Variants in DUSP9 observed in about 807,000 individuals in gnomAD.
DUSP9 encodes dual specificity phosphatase 9.
A neutral mutation model predicts 13.2 loss-of-function variants in DUSP9; 4 were observed. That is an observed-to-expected ratio of 0.30 (90% CI 0.15 to 0.69). The LOEUF (loss-of-function observed/expected upper bound fraction) is 0.69, where lower values mean the gene tolerates loss of function less well. Among genes scored for constraint, DUSP9 ranks in the 30% least tolerant of loss-of-function variants. The pLI is 0.73. For synonymous variants in DUSP9, 166 were observed against 172.3 expected (o/e 0.96, Z 0.29); for missense variants, 263 against 355.0 (o/e 0.74, Z 2.08).
chrX:153,646,852 G>T (rs1557035581), upstream of DUSP9, among the ~76,000 whole-genome samples: 1 of 112,823 alleles, frequency 8.9e-6, no homozygotes, highest in African/African-American at 3.2e-5. Flanking sequence ...GGGCCACTGA[G>T]ATCCAGGCAG....
At chrX:153,649,797 C>G in intron 3 of DUSP9, 110 bp downstream of exon 3, 1 of 917,587 alleles carries the variant, frequency 1.1e-6, no homozygotes, top group Non-Finnish European at 1.5e-6. Flanking sequence ...AGCCAAAAGC[C>G]TAGGTGACAG....
chrX:153,648,190 C>G lies in DUSP9; in HGVS notation c.237C>G (p.Leu79=). The change falls in exon 2 of 4, where the codon CTC becomes CTG. Residue 79 remains leucine, a synonymous_variant. Transcript: ENST00000342782. ...PLQPPPPAPV[L]LYDQGGGRRR... is the part of the protein sequence containing the mutation. ...AGCCGCCCCCGCCTGCCCCCGTGCTCCTGTACGACCAGGGCGGGGGCCGGC... is the reference window on the plus strand; with the variant it reads ...AGCCGCCCCCGCCTGCCCCCGTGCTGCTGTACGACCAGGGCGGGGGCCGGC... 1 of 1,048,527 alleles carries G rather than the reference C, an allele frequency of 9.5e-7. No homozygotes were observed. The highest frequency in any genetic ancestry group is 1.2e-6 in the Non-Finnish European group (1 of 825,493). 86.4% of individuals were successfully genotyped at this position (1,048,527 alleles called of 1,213,427 possible).
In DUSP9 at chrX:153,647,833, C is replaced by T. The variant is rs971016758; in HGVS notation, c.-35-86C>T. ...TCCTCATGGTGGGGGACCCTGGGCTCCCGCCTTCAGGACGCGGGGCCGGCT... is the reference window on the plus strand; with the variant it reads ...TCCTCATGGTGGGGGACCCTGGGCTTCCGCCTTCAGGACGCGGGGCCGGCT... On this transcript the variant is annotated intron_variant, in intron 1 of 3. Transcript: ENST00000342782. 3.6e-5 allele frequency: 30 copies of T among 839,040 alleles called. No homozygotes were observed. The Middle Eastern group carries it at 1.5e-3, about 42-fold the overall frequency. The allele number at this position is 839,040 out of a possible 1,213,427, so 69.1% of individuals were successfully genotyped here. A position where few individuals can be genotyped will look rare whatever the true frequency, so the allele number is the denominator to read the frequency against.
At position 153,650,407 on chromosome X, in the gene DUSP9, G is replaced by A; in HGVS notation, c.*102G>A. The A allele has an allele frequency of 1.5e-6, 1 of 645,388 alleles. No individual in the cohort carries two copies. Among genetic ancestry groups the A allele is most frequent in the Non-Finnish European group, 2.3e-6 (1 of 431,322 alleles). 53.2% of individuals were successfully genotyped at this position (645,388 alleles called of 1,213,427 possible). A position where few individuals can be genotyped will look rare whatever the true frequency, so the allele number is the denominator to read the frequency against. ...GGGAGGGCAGGAGGGCTCGGCCTGA[G>A]CAGGGTGCTGGGGGGAGAGCGCAAT... On this transcript the variant is annotated 3_prime_UTR_variant, in exon 4 of 4. Transcript: ENST00000342782.
rs1411039497 is a variant in DUSP9, at chrX:153,649,587, C to T, written c.729C>T (p.Phe243=). The change falls in exon 3 of 4, where the codon TTC becomes TTT. Residue 243 remains phenylalanine (F), a synonymous_variant. Coordinates refer to ENST00000342782, the MANE Select transcript of DUSP9 (RefSeq NM_001318503.2). Reference sequence around the variant, plus strand: ...ATGTCACCCCCAACCTCCCAAACTTCTTCGAGAAGAATGGTGACTTTCACT... The same window carrying T: ...ATGTCACCCCCAACCTCCCAAACTTTTTCGAGAAGAATGGTGACTTTCACT... ...ILNVTPNLPN[F]FEKNGDFHYK... 1.7e-6 allele frequency: 2 copies of T among 1,212,105 alleles called. No individual in the cohort carries two copies. Among genetic ancestry groups the T allele is most frequent in the Non-Finnish European group, 2.2e-6 (2 of 895,587 alleles).
chrX:153,648,083 G>T lies in DUSP9; in HGVS notation c.130G>T (p.Val44Leu). 9.7e-7 allele frequency: 1 copy of T among 1,034,570 alleles called. No individual in the cohort carries two copies. The allele number at this position is 1,034,570 out of a possible 1,213,427, so 85.3% of individuals were successfully genotyped here. A position where few individuals can be genotyped will look rare whatever the true frequency, so the allele number is the denominator to read the frequency against. Residue 44 changes from valine (V) to leucine (L), a missense_variant, in exon 2 of 4, where the codon GTG becomes TTG. Val to Leu is a conservative substitution (Grantham distance 32, BLOSUM62 1). Coordinates refer to ENST00000342782, the MANE Select transcript of DUSP9 (RefSeq NM_001318503.2). ...GGCGCGCATCGGTGGGGCGCTGAGCGTGGCCCTGCCGGCGCTCCTGCTGCG... is the reference window on the plus strand; with the variant it reads ...GGCGCGCATCGGTGGGGCGCTGAGCTTGGCCCTGCCGGCGCTCCTGCTGCG... The part of the protein sequence containing the change: ...ESARIGGALS[V>L]ALPALLLRRL...
At chrX:153,648,387 C>T in intron 2 of DUSP9, 61 bp downstream of exon 2, 1 of 1,032,638 alleles carries the variant, frequency 9.7e-7, no homozygotes. Flanking sequence ...TAGGCCAGCC[C>T]CACTTCTTTT....
At chrX:153,648,360 C>T (rs7882888) in intron 2 of DUSP9, 34 bp downstream of exon 2, 1 of 1,083,411 alleles carries the variant, frequency 9.2e-7, no homozygotes, top group Non-Finnish European at 1.2e-6. Context: ...CCAGGGGGTT[C>T]GGGATTCATT....
upstream of DUSP9, among the ~76,000 whole-genome samples, chrX:153,645,787 TACCAATATATAACCCTGCAACAGTTGA>T (rs1243798827): frequency 8.9e-6 from 1 of 112,781 alleles, no homozygotes. Context: ...AAAGGGGCCG[TACCAATATATAACCCTGCAACAGTTGA>T]ACAGCACGCT....
At chrX:153,643,857 A>T (rs2091177841), upstream of DUSP9, among the ~76,000 whole-genome samples, 1 of 112,507 alleles carries the variant, frequency 8.9e-6, no homozygotes, top group African/African-American at 3.2e-5. Flanking sequence ...TTTGTTAACG[A>T]GCATTTCTTC....
upstream of DUSP9, among the ~76,000 whole-genome samples, chrX:153,644,473 A>G (rs2091181375): frequency 9.8e-6 from 1 of 102,489 alleles, no homozygotes; most frequent in South Asian, 4.2e-4. Context: ...CCGGCGCTAC[A>G]GGGGGCCTGA....
upstream of DUSP9, among the ~76,000 whole-genome samples, chrX:153,645,332 G>A (rs1384807587): frequency 1.8e-5 from 2 of 113,207 alleles, no homozygotes; most frequent in Non-Finnish European, 3.8e-5. Flanking sequence ...CCCACTGGGT[G>A]AGAGAAGGAA....
Position 153,650,284 on chromosome X carries a change from C to T in DUSP9, c.1134C>T (p.Ala378=), listed in dbSNP as rs781820564. Residue 378 remains alanine, a synonymous_variant, in exon 4 of 4, where the codon GCC becomes GCT. Coordinates refer to ENST00000342782, the MANE Select transcript of DUSP9 (RefSeq NM_001318503.2). ...SFFTTPTSDG[A]FELAPT ...TCACCACCCCCACCAGTGATGGCGC[C>T]TTCGAGCTGGCCCCCACCTAGGGCC... The T allele has an allele frequency of 1.7e-6, 2 of 1,196,393 alleles. No individual in the cohort carries two copies. Among genetic ancestry groups the T allele is most frequent in the East Asian group, 5.9e-5 (2 of 33,650 alleles).
At position 153,650,403 on chromosome X, in the gene DUSP9, C is replaced by T. The variant is rs2091210691; in HGVS notation, c.*98C>T. 2 of 663,957 alleles carry T rather than the reference C, an allele frequency of 3.0e-6. No homozygotes were observed. The highest frequency in any genetic ancestry group is 4.5e-6 in the Non-Finnish European group (2 of 447,525). 54.7% of individuals were successfully genotyped at this position (663,957 alleles called of 1,213,427 possible). ...GGAGGGGAGGGCAGGAGGGCTCGGC[C>T]TGAGCAGGGTGCTGGGGGGAGAGCG... On this transcript the variant is annotated 3_prime_UTR_variant, in exon 4 of 4. Coordinates refer to ENST00000342782, the MANE Select transcript of DUSP9 (RefSeq NM_001318503.2).
upstream of DUSP9, among the ~76,000 whole-genome samples, chrX:153,644,415 C>G (rs1184809312): frequency 9.3e-6 from 1 of 107,324 alleles, no homozygotes; most frequent in Non-Finnish European, 2.0e-5. Flanking sequence ...GCGGCCTCCC[C>G]CAGCACAGCG....
chrX:153,644,108 G>T (rs1290125401), upstream of DUSP9, among the ~76,000 whole-genome samples: 6 of 111,758 alleles, frequency 5.4e-5, no homozygotes, highest in Admixed American at 1.9e-4. Context: ...CCGAAATCCT[G>T]TCACTCGGCC....
chrX:153,647,827 T>C, intron 1 of DUSP9, 92 bp from the exon 2 acceptor site: 1 of 799,470 alleles, frequency 1.3e-6, no homozygotes, highest in Non-Finnish European at 1.6e-6. Flanking sequence ...TGGGGGACCC[T>C]GGGCTCCCGC....
At chrX:153,649,922 C>G in intron 3 of DUSP9, 58 bp from the exon 4 acceptor site, 2 of 1,150,608 alleles carry the variant, frequency 1.7e-6, no homozygotes, top group East Asian at 6.0e-5. Context: ...TTCGGAAGGC[C>G]TCGGCCTCAC....
intron 1 of DUSP9, 92 bp from the exon 2 acceptor site, chrX:153,647,827 T>A (rs2091194162): frequency 1.5e-5 from 12 of 799,471 alleles, no homozygotes; most frequent in Non-Finnish European, 1.9e-5. Flanking sequence ...TGGGGGACCC[T>A]GGGCTCCCGC....
Sources: allele counts gnomAD v4.1 joint callset (sites outside exome capture counted in the v4.1 genomes callset), GRCh38; gene constraint gnomAD v4.1.1; transcripts MANE v1.5; gene names NCBI Gene and HGNC (gene_info 2026-07-23, HGNC 2026-07-21).